Variants in CTNND2 observed in about 807,000 individuals in gnomAD.
CTNND2 encodes the protein catenin delta-2.
A neutral mutation model predicts 144.4 loss-of-function variants in CTNND2; 22 were observed. The observed-to-expected ratio is 0.15, with a 90% CI of 0.11 to 0.22. The LOEUF (loss-of-function observed/expected upper bound fraction) is 0.22, where lower values mean the gene tolerates loss of function less well. CTNND2 is among the 10% of genes least tolerant of loss of function. CTNND2 has a pLI of 1.00. For missense variants in CTNND2, 1,353 were observed against 1,618.8 expected, an observed-to-expected ratio of 0.84 and a Z score of 2.82; for synonymous variants, 751 against 695.6, an observed-to-expected ratio of 1.08 and a Z score of -1.25.
chr5:11,723,188 G>A (rs563616608), intron 2 of CTNND2, among the ~76,000 whole-genome samples: 1 of 152,132 alleles, frequency 6.6e-6, no homozygotes, highest in South Asian at 2.1e-4. Flanking sequence ...TAAAGTTGCT[G>A]ATTCATGTAC....
intron 3 of CTNND2, among the ~76,000 whole-genome samples, chr5:11,433,902 GA>G (rs946977841): frequency 6.6e-6 from 1 of 152,152 alleles, no homozygotes; most frequent in Non-Finnish European, 1.5e-5. Context: ...CTACTTTGGG[GA>G]AAAGTCGGGG....
chr5:11,686,349 T>C (rs1279548860), intron 2 of CTNND2, among the ~76,000 whole-genome samples: 1 of 152,172 alleles, frequency 6.6e-6, no homozygotes, highest in Admixed American at 6.5e-5. Context: ...GCCAGGCCAC[T>C]CCATTTGCTA....
Position 11,765,034 on chromosome 5 carries a change from G to GCC in CTNND2, c.38-32764_38-32763dup, listed in dbSNP as rs35099305. On this transcript the variant is annotated intron_variant, in intron 1 of 21. Coordinates refer to ENST00000304623, the MANE Select transcript of CTNND2 (RefSeq NM_001332.4). ...CCTCAATAAGTGAGTCATTAATCCT[G>GCC]CCCCCCCCACCCTCCCTTCCTTTCT... is the stretch of plus-strand genomic sequence containing the variant. Among the ~76,000 whole-genome samples the GCC allele has an allele frequency of 3.3e-3, 471 of 144,018 alleles. 7 individuals carry two copies. Among genetic ancestry groups the GCC allele is most frequent in the African/African-American group, 0.011 (434 of 37,826 alleles). The allele number at this position is 144,018 out of a possible 152,430, so 94.5% of individuals were successfully genotyped here.
At chr5:11,298,429 C>T (rs1749241618) in intron 9 of CTNND2, among the ~76,000 whole-genome samples, 1 of 152,168 alleles carries the variant, frequency 6.6e-6, no homozygotes, top group Admixed American at 6.5e-5. Flanking sequence ...CCTTGGCCTC[C>T]CAAAGTTCTG....
chr5:11,085,014 A>T (rs915694753), intron 15 of CTNND2, among the ~76,000 whole-genome samples: 1 of 152,170 alleles, frequency 6.6e-6, no homozygotes, highest in Non-Finnish European at 1.5e-5. Flanking sequence ...GACAGAGGAG[A>T]ACCTGGCCAC....
rs1405233725 is a variant in CTNND2, at chr5:11,847,060, C to T, written c.37+56757G>A. ...CCTCAAAAAATTAAAAATATAACTA[C>T]GGTTTGATCTAGCAATCTCATTACT... On this transcript the variant is annotated intron_variant, in intron 1 of 21. Coordinates refer to ENST00000304623, the MANE Select transcript of CTNND2 (RefSeq NM_001332.4). 4.8e-5 allele frequency among the ~76,000 whole-genome samples: 7 copies of T among 146,574 alleles called. No individual in the cohort carries two copies. The East Asian group carries it at 6.2e-4, about 13-fold the overall frequency.
intron 16 of CTNND2, among the ~76,000 whole-genome samples, chr5:11,040,384 A>AATGAGGC (rs1264822230): frequency 3.3e-5 from 5 of 152,218 alleles, no homozygotes; most frequent in African/African-American, 4.8e-5. Context: ...AATAACATTG[A>AATGAGGC]ATGAGGCAGA....
Position 11,057,153 on chromosome 5 carries a change from G to T in CTNND2, c.2788+25543C>A, listed in dbSNP as rs566252161. On this transcript the variant is annotated intron_variant, in intron 16 of 21. Transcript: ENST00000304623. ...CAGCTATCTCAAGACCAACATTCTGGATTGTCAAAACCAGAAAATGGTTTC... is the reference window on the plus strand; with the variant it reads ...CAGCTATCTCAAGACCAACATTCTGTATTGTCAAAACCAGAAAATGGTTTC... 2.6e-5 allele frequency among the ~76,000 whole-genome samples: 4 copies of T among 152,308 alleles called. No homozygotes were observed. The South Asian group carries it at 6.2e-4, about 24-fold the overall frequency.
At position 11,448,604 on chromosome 5, in the gene CTNND2, T is replaced by C. The variant is rs61760351; in HGVS notation, c.288-36535A>G. On this transcript the variant is annotated intron_variant, in intron 3 of 21. Coordinates refer to ENST00000304623, the MANE Select transcript of CTNND2 (RefSeq NM_001332.4). ...TACAAGCAAAAGATCTCATTTTGGT[T>C]TTCACAGTTTTAATTACTTATATTA... Among the ~76,000 whole-genome samples, 10 of 152,298 alleles carry C rather than the reference T, an allele frequency of 6.6e-5. No individual in the cohort carries two copies. In the East Asian group the frequency reaches 1.5e-3, roughly 23 times the overall value.
At chr5:11,643,342 G>A (rs376067000) in intron 2 of CTNND2, among the ~76,000 whole-genome samples, 11 of 149,460 alleles carry the variant, frequency 7.4e-5, no homozygotes, top group Admixed American at 3.3e-4. Flanking sequence ...CCATTAACTC[G>A]TCATTTAGCA....
At chr5:11,671,313 A>T (rs1783863798) in intron 2 of CTNND2, among the ~76,000 whole-genome samples, 1 of 152,026 alleles carries the variant, frequency 6.6e-6, no homozygotes, top group Non-Finnish European at 1.5e-5. Flanking sequence ...CTGAATTTGA[A>T]TGTTGGCCTG....
At chr5:11,743,323 C>T (rs1285663208) in intron 1 of CTNND2, among the ~76,000 whole-genome samples, 6 of 152,104 alleles carry the variant, frequency 3.9e-5, no homozygotes, top group Non-Finnish European at 5.9e-5. Context: ...AAATGATACT[C>T]CTTTATTTCA....
intron 2 of CTNND2, among the ~76,000 whole-genome samples, chr5:11,678,340 C>T (rs563585868): frequency 4.6e-5 from 7 of 152,248 alleles, no homozygotes; most frequent in African/African-American, 1.7e-4. Context: ...GAAGCAGTGA[C>T]TTCAGAACCC....
intron 9 of CTNND2, among the ~76,000 whole-genome samples, chr5:11,323,655 G>C (rs1279319573): frequency 6.6e-6 from 1 of 152,122 alleles, no homozygotes; most frequent in Non-Finnish European, 1.5e-5. Flanking sequence ...AGACATGTTG[G>C]GTTTGAGATG....
chr5:11,116,348 G>T (rs527493333), intron 13 of CTNND2, among the ~76,000 whole-genome samples: 1 of 152,272 alleles, frequency 6.6e-6, no homozygotes, highest in African/African-American at 2.4e-5. Flanking sequence ...AGCCAGGGAG[G>T]TTGCTAAGCA....
At chr5:11,568,995 T>G (rs1185565852) in intron 2 of CTNND2, among the ~76,000 whole-genome samples, 1 of 152,156 alleles carries the variant, frequency 6.6e-6, no homozygotes, top group African/African-American at 2.4e-5. Context: ...AAGAAATATC[T>G]CTAAAGATTA....
rs10068331 is a variant in CTNND2 at position 11,416,175 on chromosome 5, G to A, written c.288-4106C>T. On this transcript the variant is annotated intron_variant, in intron 3 of 21. Coordinates refer to ENST00000304623, the MANE Select transcript of CTNND2 (RefSeq NM_001332.4). The stretch of plus-strand genomic sequence containing the variant: ...ACAAATAAGGTGGTGCCGATTTTAT[G>A]TGCAGGTGTTGATTTTATGTTTAGG... 5.9e-5 allele frequency among the ~76,000 whole-genome samples: 9 copies of A among 152,272 alleles called. 1 individual carries two copies. In the South Asian group the frequency reaches 1.7e-3, roughly 28 times the overall value.
chr5:11,752,624 T>C (rs1361524875), intron 1 of CTNND2, among the ~76,000 whole-genome samples: 1 of 151,762 alleles, frequency 6.6e-6, no homozygotes, highest in Non-Finnish European at 1.5e-5. Flanking sequence ...GGTAGTGCGA[T>C]GCCTCCAGCT....
chr5:11,203,086 T>A (rs948138123), intron 10 of CTNND2, among the ~76,000 whole-genome samples: 1 of 152,196 alleles, frequency 6.6e-6, no homozygotes, highest in Non-Finnish European at 1.5e-5. Context: ...ATTACAGGCA[T>A]GAGCCACCGC....
Sources: gnomAD v4.1 joint callset for allele counts (sites outside exome capture counted in the v4.1 genomes callset) on GRCh38, gnomAD v4.1.1 for gene constraint, MANE v1.5 for transcripts, NCBI Gene and HGNC (gene_info 2026-07-23, HGNC 2026-07-21) for gene names.